Variants in RP1 observed in about 807,000 individuals in gnomAD.
RP1 encodes the protein RP1 axonemal microtubule associated, also known as oxygen-regulated protein 1.
RP1 carries 16 observed loss-of-function variants against 14.8 expected under a neutral mutation model. That is an observed-to-expected ratio of 1.08 (90% confidence interval 0.73 to 1.65). The LOEUF (loss-of-function observed/expected upper bound fraction) is 1.65, where lower values mean the gene tolerates loss of function less well. Ranked by LOEUF, RP1 falls within the 40% of genes most tolerant of loss-of-function variation. The probability of loss-of-function intolerance (pLI) is 0.00; values close to 1 mark genes in which losing one functional copy is unlikely to be tolerated. For missense variants in RP1, 2,631 were observed against 2,535.0 expected (o/e 1.04, Z -0.81); for synonymous variants, 876 against 883.6 (o/e 0.99, Z 0.15).
intron 22 of RP1, among the ~76,000 whole-genome samples, chr8:54,763,813 A>G (rs1354892357): frequency 6.6e-6 from 1 of 152,252 alleles, no homozygotes; most frequent in Non-Finnish European, 1.5e-5. Flanking sequence ...CACCTGAGGA[A>G]TAAGGACATA....
exon 6 of RP1, chr8:54,656,140 T>C (rs950003089): frequency 1.3e-6 from 2 of 1,535,554 alleles, no homozygotes; most frequent in East Asian, 2.4e-5. Context: ...TCAACGATGG[T>C]TGGCACGAGA....
chr8:54,628,704 A>G lies in RP1; in HGVS notation c.4822A>G (p.Ser1608Gly), dbSNP rs1035030759. 1.9e-6 allele frequency: 3 copies of G among 1,614,100 alleles called. No individual in the cohort carries two copies. The highest frequency in any genetic ancestry group is 1.7e-6 in the Non-Finnish European group (2 of 1,179,948). ...CAGTGAGCAGCCATATAAAACATCC[A>G]GTGATGATCCCAATGACAGTGGCGA... The part of the protein sequence containing the change: ...SDSEQPYKTS[S>G]DDPNDSGELT... The change falls in exon 4 of 4, where the codon AGT (serine) becomes GGT (glycine). Residue 1608 changes from serine to glycine, a missense_variant. Physicochemically the swap from Ser to Gly is moderately conservative, Grantham distance 56 (BLOSUM62 0). Transcript: ENST00000220676.
intron 19 of RP1, among the ~76,000 whole-genome samples, chr8:54,745,850 C>T (rs1261144069): frequency 6.6e-6 from 1 of 152,130 alleles, no homozygotes; most frequent in Non-Finnish European, 1.5e-5. Flanking sequence ...CATATCGACT[C>T]TTTCATAGTA....
chr8:54,607,019 C>T (rs575202024), intron 1 of RP1, among the ~76,000 whole-genome samples: 1 of 152,012 alleles, frequency 6.6e-6, no homozygotes, highest in Non-Finnish European at 1.5e-5. Context: ...GTAGTTTGAT[C>T]GTCTGAAGTC....
At chr8:54,868,775 C>T (rs1185371670) in intron 28 of RP1, among the ~76,000 whole-genome samples, 3 of 152,082 alleles carry the variant, frequency 2.0e-5, no homozygotes, top group African/African-American at 7.2e-5. Flanking sequence ...TTACTGTCTT[C>T]CGCAGTATAG....
intron 17 of RP1, among the ~76,000 whole-genome samples, chr8:54,729,180 A>G (rs1274665655): frequency 2.0e-5 from 3 of 152,156 alleles, no homozygotes; most frequent in Admixed American, 1.3e-4. Flanking sequence ...GCAACTACCT[A>G]TTTCTATAAA....
At chr8:54,595,254 C>G (rs544923024) in intron 1 of RP1, among the ~76,000 whole-genome samples, 1 of 151,924 alleles carries the variant, frequency 6.6e-6, no homozygotes, top group Non-Finnish European at 1.5e-5. Context: ...CTCAGCCTCC[C>G]GAGTAGCTGG....
At chr8:54,667,165 C>A (rs1807037700) in intron 7 of RP1, among the ~76,000 whole-genome samples, 1 of 152,022 alleles carries the variant, frequency 6.6e-6, no homozygotes, top group Non-Finnish European at 1.5e-5. Context: ...GGAAGAGGAG[C>A]ACACGGGAGC....
chr8:54,789,990 G>T (rs1034193116), intron 24 of RP1, among the ~76,000 whole-genome samples: 5 of 152,180 alleles, frequency 3.3e-5, no homozygotes, highest in African/African-American at 1.2e-4. Context: ...GATTGGTTAG[G>T]TCTCTGACTA....
chr8:54,579,032 G>A (rs1252985682), intron 1 of RP1, among the ~76,000 whole-genome samples: 1 of 152,160 alleles, frequency 6.6e-6, no homozygotes, highest in South Asian at 2.1e-4. Flanking sequence ...AACTCTCTTA[G>A]TTCCAATGCT....
chr8:54,588,622 G>A (rs975884556), intron 1 of RP1, among the ~76,000 whole-genome samples: 2 of 152,198 alleles, frequency 1.3e-5, no homozygotes, highest in African/African-American at 4.8e-5. Context: ...TCAGAAGCTA[G>A]TGTTAGTAGC....
chr8:54,809,188 A>C (rs1402754656), intron 24 of RP1, among the ~76,000 whole-genome samples: 1 of 152,150 alleles, frequency 6.6e-6, no homozygotes, highest in African/African-American at 2.4e-5. Context: ...TACAAGATTG[A>C]ATTTGTTTTT....
At chr8:54,845,652 C>G (rs1476604537) in intron 25 of RP1, among the ~76,000 whole-genome samples, 2 of 152,154 alleles carry the variant, frequency 1.3e-5, no homozygotes, top group African/African-American at 4.8e-5. Context: ...CAAAATTATC[C>G]TAAATTGAGG....
intron 6 of RP1, among the ~76,000 whole-genome samples, chr8:54,660,536 T>C (rs1480364312): frequency 6.6e-6 from 1 of 152,186 alleles, no homozygotes; most frequent in African/African-American, 2.4e-5. Context: ...AACTTGGTCA[T>C]GCTGTATGTG....
intron 24 of RP1, among the ~76,000 whole-genome samples, chr8:54,821,106 G>T (rs1360543562): frequency 3.9e-5 from 6 of 152,068 alleles, no homozygotes; most frequent in Non-Finnish European, 2.9e-5. Context: ...CTCCCAGAAT[G>T]ATAAAAAGAG....
At chr8:54,618,646 T>C (rs1187190015) in intron 1 of RP1, among the ~76,000 whole-genome samples, 1 of 152,150 alleles carries the variant, frequency 6.6e-6, no homozygotes, top group Non-Finnish European at 1.5e-5. Flanking sequence ...TCTAAAGTCT[T>C]ACTTATTTTT....
chr8:54,763,459 A>T (rs994345923), intron 22 of RP1, among the ~76,000 whole-genome samples: 1 of 152,210 alleles, frequency 6.6e-6, no homozygotes, highest in Non-Finnish European at 1.5e-5. Context: ...TGCAGAAATC[A>T]ATCAGTTAAA....
chr8:54,744,392 C>A (rs1213255577), intron 19 of RP1, among the ~76,000 whole-genome samples: 1 of 152,036 alleles, frequency 6.6e-6, no homozygotes, highest in Admixed American at 6.6e-5. Context: ...GTCAGAGAGC[C>A]CCGAAGGGAA....
chr8:54,804,164 G>A (rs1810790616), intron 24 of RP1, among the ~76,000 whole-genome samples: 1 of 151,598 alleles, frequency 6.6e-6, no homozygotes, highest in Non-Finnish European at 1.5e-5. Context: ...TAGGTTAGAG[G>A]GGTTAGTAGG....
Sources: gnomAD v4.1 joint callset for allele counts (sites outside exome capture counted in the v4.1 genomes callset) on GRCh38, gnomAD v4.1.1 for gene constraint, MANE v1.5 for transcripts, NCBI Gene and HGNC (gene_info 2026-07-23, HGNC 2026-07-21) for gene names.